The following ADAMTS17 variants were observed in gnomAD, a reference collection of about 807,000 sequenced individuals.
ADAMTS17 encodes A disintegrin and metalloproteinase with thrombospondin motifs 17.
In ADAMTS17, 113 loss-of-function variants were observed where a neutral mutation model predicts 141.5. The ratio of observed to expected loss-of-function variants is 0.80; its 90% CI spans 0.69 to 0.93. The LOEUF is 0.93. Ranked by LOEUF, ADAMTS17 falls within the 40% of genes least tolerant of loss-of-function variation. The pLI is 0.00. For synonymous variants in ADAMTS17, 768 were observed against 630.6 expected, an observed-to-expected ratio of 1.22 and a Z score of -3.27; for missense variants, 1,659 against 1,517.9, an observed-to-expected ratio of 1.09 and a Z score of -1.54.
At chr15:99,991,042 A>T (rs2060680273) in intron 20 of ADAMTS17, among the ~76,000 whole-genome samples, 1 of 152,178 alleles carries the variant, frequency 6.6e-6, no homozygotes, top group African/African-American at 2.4e-5. Context: ...AAAGACTTAA[A>T]CCTAAGACCT....
intron 14 of ADAMTS17, among the ~76,000 whole-genome samples, chr15:100,098,365 C>T (rs1488939384): frequency 1.3e-5 from 2 of 152,004 alleles, no homozygotes; most frequent in African/African-American, 2.4e-5. Flanking sequence ...ATTACAGGGG[C>T]TGGCCCGGTG....
Position 99,971,494 on chromosome 15 carries a change from T to G in ADAMTS17, c.*2908A>C, listed in dbSNP as rs902519864. The G allele has an allele frequency of 6.6e-6, 1 of 152,242 alleles. No individual in the cohort carries two copies. Among genetic ancestry groups the G allele is most frequent in the Non-Finnish European group, 1.5e-5 (1 of 68,034 alleles). 9.4% of individuals were successfully genotyped at this position (152,242 alleles called of 1,614,324 possible). A position where few individuals can be genotyped will look rare whatever the true frequency, so the allele number is the denominator to read the frequency against. On this transcript the variant is annotated 3_prime_UTR_variant, in exon 22 of 22. Coordinates refer to ENST00000268070, the MANE Select transcript of ADAMTS17 (RefSeq NM_139057.4). ...AACTTGCTTCCAATGAAATGATTAATTTTTCTATATAATTTTCATGTATAA... is the reference window on the plus strand; with the variant it reads ...AACTTGCTTCCAATGAAATGATTAAGTTTTCTATATAATTTTCATGTATAA...
At chr15:100,203,472 C>T (rs565119670) in intron 7 of ADAMTS17, among the ~76,000 whole-genome samples, 13 of 152,200 alleles carry the variant, frequency 8.5e-5, no homozygotes, top group South Asian at 2.1e-4. Flanking sequence ...TTTGGGAGAC[C>T]GAGCAGGCGG....
chr15:100,140,439 T>C (rs72755203), intron 10 of ADAMTS17, among the ~76,000 whole-genome samples: 11,302 of 145,074 alleles, frequency 0.078, 531 homozygotes, highest in East Asian at 0.13. Context: ...ACACTAGTCC[T>C]GACTAACTCC....
chr15:100,170,463 T>A (rs1421185300), intron 8 of ADAMTS17, among the ~76,000 whole-genome samples: 1 of 152,182 alleles, frequency 6.6e-6, no homozygotes, highest in East Asian at 1.9e-4. Context: ...ATCAGCCTTC[T>A]GGCCTACCTC....
At chr15:100,033,129 T>A (rs74983897) in intron 18 of ADAMTS17, among the ~76,000 whole-genome samples, 1 of 152,146 alleles carries the variant, frequency 6.6e-6, no homozygotes, top group African/African-American at 2.4e-5. Flanking sequence ...GTGAACAGGG[T>A]TGAACCAGCA....
intron 2 of ADAMTS17, among the ~76,000 whole-genome samples, chr15:100,333,777 C>T (rs2046125990): frequency 6.6e-6 from 1 of 152,214 alleles, no homozygotes; most frequent in Non-Finnish European, 1.5e-5. Flanking sequence ...TCTTCTGTCC[C>T]ATTGATGGCG....
At chr15:100,217,036 G>A (rs1345901479) in intron 7 of ADAMTS17, among the ~76,000 whole-genome samples, 2 of 152,260 alleles carry the variant, frequency 1.3e-5, no homozygotes, top group South Asian at 2.1e-4. Flanking sequence ...TGAAGAGGAA[G>A]AGTTGATATT....
intron 18 of ADAMTS17, among the ~76,000 whole-genome samples, chr15:100,020,818 C>T (rs1425659272): frequency 6.6e-6 from 1 of 152,204 alleles, no homozygotes; most frequent in Non-Finnish European, 1.5e-5. Flanking sequence ...TATCTCCATG[C>T]ACTGACTCAA....
chr15:100,109,775 G>A (rs925688188), intron 13 of ADAMTS17, among the ~76,000 whole-genome samples: 2 of 152,078 alleles, frequency 1.3e-5, no homozygotes, highest in African/African-American at 2.4e-5. Flanking sequence ...AACGCGCCCA[G>A]CTCCCCAGCC....
intron 13 of ADAMTS17, among the ~76,000 whole-genome samples, chr15:100,111,038 G>C (rs976776624): frequency 1.3e-5 from 2 of 152,188 alleles, no homozygotes; most frequent in African/African-American, 4.8e-5. Context: ...GCTTCCCTCA[G>C]TTCTTCCGGT....
At chr15:99,991,991 G>A (rs1476780267) in intron 20 of ADAMTS17, among the ~76,000 whole-genome samples, 3 of 152,054 alleles carry the variant, frequency 2.0e-5, no homozygotes, top group Non-Finnish European at 4.4e-5. Context: ...ATGGACACAG[G>A]GAGGGGAACA....
intron 15 of ADAMTS17, among the ~76,000 whole-genome samples, chr15:100,055,128 C>A (rs28501305): frequency 0.026 from 4,002 of 152,198 alleles, 163 homozygotes; most frequent in African/African-American, 0.093. Flanking sequence ...CAGTCCTATG[C>A]CCACACTCCC....
chr15:100,199,514 C>T, intron 7 of ADAMTS17, 91 bp from the exon 8 acceptor site: 2 of 1,043,148 alleles, frequency 1.9e-6, no homozygotes, highest in Non-Finnish European at 3.0e-6. Context: ...CATGCACAAT[C>T]AAGGCAGGCA....
intron 7 of ADAMTS17, among the ~76,000 whole-genome samples, chr15:100,210,248 A>C (rs1187887414): frequency 1.3e-5 from 2 of 151,122 alleles, no homozygotes; most frequent in East Asian, 3.9e-4. Flanking sequence ...AAAAAAAAAA[A>C]AAAAAAAAAA....
chr15:100,177,589 C>T (rs2040380985), intron 8 of ADAMTS17, among the ~76,000 whole-genome samples: 1 of 152,108 alleles, frequency 6.6e-6, no homozygotes, highest in African/African-American at 2.4e-5. Flanking sequence ...CTGAATGTTC[C>T]ATGACAGCTT....
At chr15:100,140,815 T>C (rs1050370065) in intron 10 of ADAMTS17, among the ~76,000 whole-genome samples, 4 of 151,962 alleles carry the variant, frequency 2.6e-5, no homozygotes, top group Admixed American at 6.6e-5. Context: ...TGAGTGTCCA[T>C]CCTCTCATCT....
chr15:100,021,433 C>G (rs1258782192), intron 18 of ADAMTS17, among the ~76,000 whole-genome samples: 2 of 152,200 alleles, frequency 1.3e-5, no homozygotes, highest in African/African-American at 2.4e-5. Flanking sequence ...CCATGGCCAC[C>G]CTTCGCTAGG....
rs578134820 is a variant in ADAMTS17 at position 100,337,929 on chromosome 15, G to A, written c.450+3110C>T. 3.9e-5 allele frequency among the ~76,000 whole-genome samples: 6 copies of A among 152,294 alleles called. No individual in the cohort carries two copies. The South Asian group carries it at 1.0e-3, about 26-fold the overall frequency. On this transcript the variant is annotated intron_variant, in intron 2 of 21. Transcript: ENST00000268070. ...CCACGATCCAGTCCTGATCACAGAG[G>A]CAGCTGATCCGAACTTACATAAATT...
Sources: allele counts gnomAD v4.1 joint callset (sites outside exome capture counted in the v4.1 genomes callset), GRCh38; gene constraint gnomAD v4.1.1; transcripts MANE v1.5; gene names NCBI Gene and HGNC (gene_info 2026-07-23, HGNC 2026-07-21).